LGI1: variants seen among roughly 807,000 people sequenced by gnomAD.
The protein encoded by LGI1 is leucine rich glioma inactivated 1, also known as leucine-rich glioma-inactivated protein 1.
LGI1 carries 11 observed loss-of-function variants against 57.7 expected under a neutral mutation model. That is an observed-to-expected ratio of 0.19 (90% CI 0.12 to 0.32). The LOEUF (loss-of-function observed/expected upper bound fraction) is 0.32. Among genes scored for constraint, LGI1 ranks in the 10% least tolerant of loss-of-function variants. The pLI, the probability that LGI1 is intolerant of heterozygous loss-of-function variation, is 1.00. For synonymous variants in LGI1, 222 were observed against 241.9 expected, an observed-to-expected ratio of 0.92 and a Z score of 0.76; for missense variants, 422 against 661.9, an observed-to-expected ratio of 0.64 and a Z score of 3.98.
chr10:93,758,485 T>A lies in LGI1; in HGVS notation c.215+126T>A. Reference sequence around the variant, plus strand: ...GATTCCTCTTGCATGCTTGGCCATTTGACAGTGCTAACATTTGCTGCATTT... The same window carrying A: ...GATTCCTCTTGCATGCTTGGCCATTAGACAGTGCTAACATTTGCTGCATTT... On this transcript the variant is annotated intron_variant, in intron 1 of 7. Coordinates refer to ENST00000371418, the MANE Select transcript of LGI1 (RefSeq NM_005097.4). This position sits in a 1 kb window ranked among gnomAD's most constrained non-coding sequence, Gnocchi z 4.7. 1 of 1,004,462 alleles carries A rather than the reference T, an allele frequency of 1.0e-6. No homozygotes were observed. Among genetic ancestry groups the A allele is most frequent in the Non-Finnish European group, 1.6e-6 (1 of 643,168 alleles). 62.2% of individuals were successfully genotyped at this position (1,004,462 alleles called of 1,614,324 possible).
rs750249658 is a variant in LGI1 at position 93,793,330 on chromosome 10, G to A, written c.818G>A (p.Arg273Gln). 8 of 1,613,676 alleles carry A rather than the reference G, an allele frequency of 5.0e-6. No individual in the cohort carries two copies. Among genetic ancestry groups the A allele is most frequent in the South Asian group, 1.1e-5 (1 of 91,068 alleles). The change falls in exon 7 of 8, where the codon CGG becomes CAG. Residue 273 changes from arginine (R) to glutamine (Q), a missense_variant. Physicochemically the swap from Arg to Gln is conservative, Grantham distance 43. Coordinates refer to ENST00000371418, the MANE Select transcript of LGI1 (RefSeq NM_005097.4). Reference sequence around the variant, plus strand: ...TGGGACCATGTGGAAAAGACCTTCCGGAATTATGACAACATTACAGGTATG... The same window carrying A: ...TGGGACCATGTGGAAAAGACCTTCCAGAATTATGACAACATTACAGGTATG... ...LEWDHVEKTF[R>Q]NYDNITGTST...
chr10:93,761,995 A>T (rs7897575), intron 2 of LGI1, among the ~76,000 whole-genome samples: 3 of 152,020 alleles, frequency 2.0e-5, no homozygotes, highest in African/African-American at 7.2e-5. Flanking sequence ...GAAGTCCCCA[A>T]TGATATGGGC....
rs780353184 is a variant in LGI1 at position 93,797,645 on chromosome 10, G to T, written c.1516G>T (p.Ala506Ser). The T allele has an allele frequency of 1.2e-6, 2 of 1,614,144 alleles. No individual in the cohort carries two copies. Among genetic ancestry groups the T allele is most frequent in the South Asian group, 1.1e-5 (1 of 91,082 alleles). The change falls in exon 8 of 8, where the codon GCA (alanine) becomes TCA (serine). Residue 506 changes from alanine to serine, a missense_variant. By Grantham distance (99) the Ala-to-Ser change is moderately conservative. Transcript: ENST00000371418. The surrounding 1 kb of genome is among the most constrained non-coding windows in gnomAD (Gnocchi z 6.5). ...CTTTACTCAAGTGTATAACTGGGAT[G>T]CAGAGAAAGCCAAATTTGTGAAATT... ...YSFTQVYNWDAEKAKFVKFQE... is the reference protein window; with the variant it reads ...YSFTQVYNWDSEKAKFVKFQE...
chr10:93,768,684 C>G (rs2059704273), intron 2 of LGI1: 2 of 152,248 alleles, frequency 1.3e-5, no homozygotes, highest in South Asian at 4.1e-4. Flanking sequence ...GGTCCATGCT[C>G]GAATGTTTGC....
chr10:93,763,883 T>C (rs2059648079), intron 2 of LGI1: 1 of 152,218 alleles, frequency 6.6e-6, no homozygotes, highest in Non-Finnish European at 1.5e-5. Context: ...AAGGGTAAGA[T>C]GCTCCTTTAT....
chr10:93,758,079 G>C lies in LGI1; in HGVS notation c.-66G>C, dbSNP rs886047485. On this transcript the variant is annotated 5_prime_UTR_variant, in exon 1 of 8. Coordinates refer to ENST00000371418, the MANE Select transcript of LGI1 (RefSeq NM_005097.4). This position sits in a 1 kb window ranked among gnomAD's most constrained non-coding sequence, Gnocchi z 4.7. ...TGGACTCCTATGTGACCTGTTCTTAGAGCAAGACAATCACCATCTGAATTC... is the reference window on the plus strand; with the variant it reads ...TGGACTCCTATGTGACCTGTTCTTACAGCAAGACAATCACCATCTGAATTC... 2 of 1,447,876 alleles carry C rather than the reference G, an allele frequency of 1.4e-6. No individual in the cohort carries two copies. The highest frequency in any genetic ancestry group is 9.7e-7 in the Non-Finnish European group (1 of 1,033,352). The allele number at this position is 1,447,876 out of a possible 1,614,324, so 89.7% of individuals were successfully genotyped here. A position where few individuals can be genotyped will look rare whatever the true frequency, so the allele number is the denominator to read the frequency against.
chr10:93,767,345 C>T (rs2059690026), intron 2 of LGI1: 1 of 151,668 alleles, frequency 6.6e-6, no homozygotes, highest in Admixed American at 6.6e-5. Context: ...AGCAGTTGAC[C>T]TGAAAGAAGA....
intron 4 of LGI1, among the ~76,000 whole-genome samples, chr10:93,787,201 C>T (rs982649052): frequency 6.6e-6 from 1 of 152,176 alleles, no homozygotes; most frequent in African/African-American, 2.4e-5. Context: ...CCTCTAAGAG[C>T]AGTTCATTGT....
chr10:93,792,582 A>T, intron 5 of LGI1, 161 bp from the exon 6 acceptor site: 1 of 731,036 alleles, frequency 1.4e-6, no homozygotes, highest in Non-Finnish European at 2.5e-6. Context: ...TAACTCTCTG[A>T]GCCCAAAGTG....
intron 2 of LGI1, among the ~76,000 whole-genome samples, chr10:93,766,527 C>G (rs1422439767): frequency 5.7e-4 from 1 of 1,746 alleles, no homozygotes; most frequent in Non-Finnish European, 1.1e-3. Flanking sequence ...TTTTTTGAGA[C>G]GGAGTCTCGC....
intron 4 of LGI1, among the ~76,000 whole-genome samples, chr10:93,787,906 C>CA (rs61222250): frequency 0.072 from 8,360 of 115,602 alleles, 882 homozygotes; most frequent in African/African-American, 0.24. Flanking sequence ...GACCCTGTCT[C>CA]AAAAAAAAAA....
At chr10:93,773,167 T>C (rs1471649149) in intron 2 of LGI1, among the ~76,000 whole-genome samples, 4 of 152,112 alleles carry the variant, frequency 2.6e-5, no homozygotes, top group Non-Finnish European at 5.9e-5. Flanking sequence ...CACAGATTGA[T>C]ATTATCTGGA....
intron 2 of LGI1, chr10:93,764,713 C>G (rs924898352): frequency 6.6e-6 from 1 of 152,182 alleles, no homozygotes; most frequent in African/African-American, 2.4e-5. Context: ...GTACCTATTG[C>G]ACAGAATTAC....
chr10:93,788,821 T>G (rs1415504398), intron 4 of LGI1: 1 of 152,222 alleles, frequency 6.6e-6, no homozygotes, highest in African/African-American at 2.4e-5. Flanking sequence ...CATAGACTTT[T>G]GAGAATGTTT....
At chr10:93,770,203 A>C (rs530134800) in intron 2 of LGI1, 1 of 152,266 alleles carries the variant, frequency 6.6e-6, no homozygotes, top group Non-Finnish European at 1.5e-5. Flanking sequence ...GATCTAGTCT[A>C]GTCTCCTCGC....
chr10:93,793,718 A>T (rs1480182405), intron 7 of LGI1, among the ~76,000 whole-genome samples: 1 of 152,186 alleles, frequency 6.6e-6, no homozygotes, highest in East Asian at 1.9e-4. Context: ...AGCTGCTCAT[A>T]CTCACTGACA....
intron 4 of LGI1, among the ~76,000 whole-genome samples, chr10:93,778,351 ACACAC>A (rs1455082956): frequency 2.7e-4 from 1 of 3,752 alleles, no homozygotes; most frequent in Non-Finnish European, 7.7e-4. Context: ...ACATTCACAC[ACACAC>A]ACACACACAC....
At chr10:93,790,445 C>T (rs1269232417) in intron 5 of LGI1, 2 of 417,306 alleles carry the variant, frequency 4.8e-6, no homozygotes, top group Non-Finnish European at 8.4e-6. Context: ...AGGACTTTGA[C>T]GGGGTGGGAA....
intron 7 of LGI1, 119 bp downstream of exon 7, chr10:93,793,469 G>T (rs1286634342): frequency 2.3e-6 from 2 of 886,440 alleles, no homozygotes; most frequent in African/African-American, 1.7e-5. Context: ...TCTACCATTT[G>T]TTAAGTGACC....
Sources: gnomAD v4.1 joint callset for allele counts (sites outside exome capture counted in the v4.1 genomes callset) on GRCh38, gnomAD v4.1.1 for gene constraint, Gnocchi (gnomAD v3.1) non-coding constraint, MANE v1.5 for transcripts, NCBI Gene and HGNC (gene_info 2026-07-23, HGNC 2026-07-21) for gene names.